The following TRAPPC8 variants were observed in gnomAD, a reference collection of about 807,000 sequenced individuals.
TRAPPC8 encodes the protein trafficking protein particle complex subunit 8.
In TRAPPC8, 54 loss-of-function variants were observed where a neutral mutation model predicts 174.3. The observed-to-expected ratio is 0.31, with a 90% CI of 0.25 to 0.39. The LOEUF (loss-of-function observed/expected upper bound fraction) is 0.39. Ranked by LOEUF, TRAPPC8 falls within the 10% of genes least tolerant of loss-of-function variation. TRAPPC8 has a pLI of 1.00. For missense variants in TRAPPC8, 1,531 were observed against 1,699.1 expected, an observed-to-expected ratio of 0.90 and a Z score of 1.74; for synonymous variants, 630 against 579.9, an observed-to-expected ratio of 1.09 and a Z score of -1.24.
At chr18:31,854,703 T>C (rs1598610597) in intron 21 of TRAPPC8, among the ~76,000 whole-genome samples, 1 of 152,142 alleles carries the variant, frequency 6.6e-6, no homozygotes, top group Non-Finnish European at 1.5e-5. Context: ...GCACGGTGGC[T>C]CACGCCTGTA....
intron 24 of TRAPPC8, among the ~76,000 whole-genome samples, chr18:31,851,378 C>G (rs1212631847): frequency 6.6e-6 from 1 of 152,156 alleles, no homozygotes; most frequent in Non-Finnish European, 1.5e-5. Flanking sequence ...TCAACCTCAC[C>G]TAGGAGCTTG....
intron 19 of TRAPPC8, among the ~76,000 whole-genome samples, chr18:31,858,643 TCA>T (rs1177143248): frequency 2.0e-5 from 3 of 152,174 alleles, no homozygotes; most frequent in African/African-American, 2.4e-5. Context: ...TTACATAACT[TCA>T]CACACACACT....
chr18:31,905,054 C>T (rs1030713532), intron 9 of TRAPPC8, among the ~76,000 whole-genome samples: 2 of 151,392 alleles, frequency 1.3e-5, no homozygotes, highest in African/African-American at 2.4e-5. Flanking sequence ...AGTCTGCAAG[C>T]ATTCCTATTA....
intron 22 of TRAPPC8, among the ~76,000 whole-genome samples, chr18:31,853,264 G>A (rs944733636): frequency 6.6e-6 from 1 of 151,900 alleles, no homozygotes; most frequent in Non-Finnish European, 1.5e-5. Flanking sequence ...TACCAGTTAA[G>A]TTTTGTTTTG....
At chr18:31,905,623 A>C (rs542908226) in intron 9 of TRAPPC8, among the ~76,000 whole-genome samples, 7 of 152,248 alleles carry the variant, frequency 4.6e-5, no homozygotes, top group African/African-American at 1.7e-4. Flanking sequence ...GGTACCATTT[A>C]ATGTTTTTGT....
chr18:31,906,842 T>C (rs2043462996), intron 9 of TRAPPC8, among the ~76,000 whole-genome samples: 1 of 152,190 alleles, frequency 6.6e-6, no homozygotes, highest in Admixed American at 6.5e-5. Context: ...CCATTAGGAT[T>C]CGCATATTTT....
rs766421552 is a variant in TRAPPC8 at position 31,874,663 on chromosome 18, A to T, written c.1770T>A (p.Val590=). ...ALRCYCQAMQ[V]YKGKGWSLAE... ...CAAGAGACCAGCCTTTTCCTTTGTA[A>T]ACTTGCATGGCTTGACAATAACAGC... Residue 590 remains valine, a synonymous_variant, in exon 13 of 29, where the codon GTT becomes GTA. Coordinates refer to ENST00000283351, the MANE Select transcript of TRAPPC8 (RefSeq NM_014939.5). 1 of 1,614,040 alleles carries T rather than the reference A, an allele frequency of 6.2e-7. No homozygotes were observed. The highest frequency in any genetic ancestry group is 8.5e-7 in the Non-Finnish European group (1 of 1,179,992).
chr18:31,937,755 G>A (rs1192466804), intron 1 of TRAPPC8: 1 of 152,104 alleles, frequency 6.6e-6, no homozygotes, highest in Non-Finnish European at 1.5e-5. Flanking sequence ...CCAGGCTGGA[G>A]TACAGTGGCA....
chr18:31,837,265 C>T (rs930911389), intron 27 of TRAPPC8, among the ~76,000 whole-genome samples: 1 of 151,742 alleles, frequency 6.6e-6, no homozygotes, highest in South Asian at 2.1e-4. Flanking sequence ...AGAAGGAATT[C>T]GCATATGCTG....
At chr18:31,921,966 A>G (rs1193919984) in intron 2 of TRAPPC8, among the ~76,000 whole-genome samples, 2 of 152,210 alleles carry the variant, frequency 1.3e-5, no homozygotes, top group African/African-American at 4.8e-5. Flanking sequence ...ACTATATTAC[A>G]TGAGTGCTTC....
chr18:31,866,726 G>T, intron 18 of TRAPPC8, 123 bp downstream of exon 18: 3 of 1,103,870 alleles, frequency 2.7e-6, no homozygotes, highest in Admixed American at 2.6e-5. Context: ...CTTACATCTG[G>T]CTAAATGTCT....
chr18:31,874,317 G>T, intron 13 of TRAPPC8, 163 bp downstream of exon 13: 1 of 646,548 alleles, frequency 1.5e-6, no homozygotes, highest in Non-Finnish European at 2.6e-6. Context: ...AAGGGGCAAT[G>T]TAACCAAGAT....
chr18:31,941,730 C>T (rs962157518), intron 1 of TRAPPC8, among the ~76,000 whole-genome samples: 1 of 152,050 alleles, frequency 6.6e-6, no homozygotes, highest in African/African-American at 2.4e-5. Context: ...CAGTCGTTTG[C>T]CTGACACAGG....
At chr18:31,881,923 A>G (rs2035474977) in intron 12 of TRAPPC8, among the ~76,000 whole-genome samples, 1 of 152,194 alleles carries the variant, frequency 6.6e-6, no homozygotes, top group Non-Finnish European at 1.5e-5. Context: ...AAATCGAAAC[A>G]ATGAGATACC....
At chr18:31,867,271 T>G in intron 17 of TRAPPC8, 131 bp downstream of exon 17, 3 of 745,714 alleles carry the variant, frequency 4.0e-6, no homozygotes, top group Non-Finnish European at 6.7e-6. Flanking sequence ...GCAATTCCTA[T>G]GTCCTAATCT....
intron 20 of TRAPPC8, among the ~76,000 whole-genome samples, chr18:31,856,018 T>C (rs991272242): frequency 6.6e-5 from 10 of 152,206 alleles, no homozygotes; most frequent in African/African-American, 1.7e-4. Context: ...CTAGTCTCCC[T>C]GTCTAAGTTT....
chr18:31,856,786 T>C (rs2034038950), intron 20 of TRAPPC8, among the ~76,000 whole-genome samples: 1 of 151,586 alleles, frequency 6.6e-6, no homozygotes. Context: ...TATCCCTCCC[T>C]TGATATTCAA....
chr18:31,879,447 A>T (rs1469166477), intron 12 of TRAPPC8, among the ~76,000 whole-genome samples: 1 of 152,120 alleles, frequency 6.6e-6, no homozygotes, highest in East Asian at 1.9e-4. Context: ...GAAACACAAC[A>T]TATCAATACC....
At chr18:31,843,799 T>G (rs1312271342) in intron 26 of TRAPPC8, among the ~76,000 whole-genome samples, 8 of 152,364 alleles carry the variant, frequency 5.3e-5, no homozygotes, top group African/African-American at 1.7e-4. Flanking sequence ...ATGTGAAAAC[T>G]GATAAATTAC....
Sources: gnomAD v4.1 joint callset for allele counts (sites outside exome capture counted in the v4.1 genomes callset) on GRCh38, gnomAD v4.1.1 for gene constraint, MANE v1.5 for transcripts, NCBI Gene and HGNC (gene_info 2026-07-23, HGNC 2026-07-21) for gene names.